PTPN4: variants seen among roughly 807,000 people sequenced by gnomAD.
PTPN4 encodes the protein protein tyrosine phosphatase non-receptor type 4, also known as tyrosine-protein phosphatase non-receptor type 4.
Under a neutral mutation model 135.5 loss-of-function variants are expected in PTPN4, and 49 were observed. The observed-to-expected ratio is 0.36, with a 90% CI of 0.29 to 0.46. The LOEUF is 0.46. Among genes scored for constraint, PTPN4 ranks in the 20% least tolerant of loss-of-function variants. The probability of loss-of-function intolerance (pLI) is 1.00; values close to 1 mark genes in which losing one functional copy is unlikely to be tolerated. For missense variants in PTPN4, 860 were observed against 1,101.0 expected (o/e 0.78, Z 3.10); for synonymous variants, 333 against 369.9 (o/e 0.90, Z 1.14).
At chr2:119,815,856 A>G (rs894183345) in intron 2 of PTPN4, among the ~76,000 whole-genome samples, 10 of 152,184 alleles carry the variant, frequency 6.6e-5, no homozygotes, top group Non-Finnish European at 1.0e-4. Context: ...TTTTTGTAAT[A>G]TGTATAATGC....
At chr2:119,835,813 T>TA (rs1036214889) in intron 2 of PTPN4, among the ~76,000 whole-genome samples, 9 of 152,058 alleles carry the variant, frequency 5.9e-5, no homozygotes, top group Non-Finnish European at 1.0e-4. Flanking sequence ...CTCACACCTG[T>TA]AATCCCAGCA....
At chr2:119,808,419 C>T (rs902037452) in intron 1 of PTPN4, among the ~76,000 whole-genome samples, 5 of 152,112 alleles carry the variant, frequency 3.3e-5, no homozygotes, top group African/African-American at 1.2e-4. Context: ...CACAAGCATT[C>T]CTATACACCA....
chr2:119,975,990 TA>T (rs1161965608), intron 26 of PTPN4, among the ~76,000 whole-genome samples: 1 of 113,404 alleles, frequency 8.8e-6, no homozygotes, highest in African/African-American at 3.4e-5. Flanking sequence ...TATTTTTATT[TA>T]TTTATTTATT....
intron 22 of PTPN4, 95 bp downstream of exon 22, chr2:119,957,172 A>G: frequency 8.9e-7 from 1 of 1,127,498 alleles, no homozygotes; most frequent in Non-Finnish European, 1.3e-6. Context: ...CCTGGATAGA[A>G]TATTAAAACT....
chr2:119,892,913 A>G (rs1243301405), intron 9 of PTPN4, among the ~76,000 whole-genome samples: 1 of 146,578 alleles, frequency 6.8e-6, no homozygotes, highest in Non-Finnish European at 1.5e-5. Context: ...TTTTAAGTGG[A>G]GATGGAGTCT....
chr2:119,931,328 CTTTA>C (rs1051138745), intron 13 of PTPN4, among the ~76,000 whole-genome samples: 6 of 149,240 alleles, frequency 4.0e-5, no homozygotes, highest in African/African-American at 1.5e-4. Context: ...ATAAAAAATA[CTTTA>C]TTTGTTAACA....
intron 1 of PTPN4, among the ~76,000 whole-genome samples, chr2:119,777,399 TA>T (rs1690855936): frequency 6.6e-6 from 1 of 152,176 alleles, no homozygotes; most frequent in Non-Finnish European, 1.5e-5. Flanking sequence ...CCTCACATTA[TA>T]CTATATATAT....
chr2:119,759,961 C>T lies in PTPN4; in HGVS notation c.-441C>T, dbSNP rs1018960585. ...GCTCACGCCGCGCAGTGCGCTTTTC[C>T]GCTCCTCGCGCCCCACCACCAACAT... On this transcript the variant is annotated 5_prime_UTR_variant, in exon 1 of 27. Transcript: ENST00000263708. 7.8e-5 allele frequency: 29 copies of T among 372,802 alleles called. No individual in the cohort carries two copies. The highest frequency in any genetic ancestry group is 1.3e-4 in the Non-Finnish European group (27 of 210,094). The allele number at this position is 372,802 out of a possible 1,614,324, so 23.1% of individuals were successfully genotyped here.
chr2:119,857,024 C>T (rs1047850891), intron 2 of PTPN4, among the ~76,000 whole-genome samples: 6 of 152,024 alleles, frequency 3.9e-5, no homozygotes, highest in Non-Finnish European at 8.8e-5. Flanking sequence ...AGTTCTTACT[C>T]AGTTACTTAT....
intron 3 of PTPN4, among the ~76,000 whole-genome samples, chr2:119,876,780 T>G (rs1677988863): frequency 6.6e-6 from 1 of 152,080 alleles, no homozygotes; most frequent in Non-Finnish European, 1.5e-5. Context: ...TGGGTTTTTT[T>G]CAAATGGGAG....
intron 2 of PTPN4, among the ~76,000 whole-genome samples, chr2:119,835,631 A>G (rs1237412919): frequency 1.3e-5 from 2 of 152,242 alleles, no homozygotes; most frequent in Non-Finnish European, 2.9e-5. Context: ...TTAAGTCTGT[A>G]TGCCTTTGGA....
chr2:119,885,649 A>G (rs1678144711), intron 8 of PTPN4, 146 bp from the exon 9 acceptor site: 1 of 450,148 alleles, frequency 2.2e-6, no homozygotes, highest in South Asian at 6.7e-5. Context: ...TGCCCTCCAG[A>G]TAAGTTAGAG....
At chr2:119,903,412 A>G (rs556717515) in intron 10 of PTPN4, among the ~76,000 whole-genome samples, 3 of 152,150 alleles carry the variant, frequency 2.0e-5, no homozygotes, top group South Asian at 4.2e-4. Flanking sequence ...TATGTTATTC[A>G]TGAACCTAGA....
At chr2:119,907,351 GC>G (rs1558760954) in intron 10 of PTPN4, among the ~76,000 whole-genome samples, 2 of 152,138 alleles carry the variant, frequency 1.3e-5, no homozygotes, top group African/African-American at 4.8e-5. Flanking sequence ...TGTAATCCTA[GC>G]GTTTTTGGAG....
chr2:119,960,439 C>A (rs1289228354), intron 22 of PTPN4, among the ~76,000 whole-genome samples: 1 of 152,060 alleles, frequency 6.6e-6, no homozygotes, highest in African/African-American at 2.4e-5. Context: ...TATTTCTTTA[C>A]CAAGTCTCTG....
chr2:119,924,567 T>C (rs1678792164), intron 12 of PTPN4, among the ~76,000 whole-genome samples: 4 of 152,150 alleles, frequency 2.6e-5, no homozygotes, highest in Non-Finnish European at 5.9e-5. Flanking sequence ...GAGAGAACTT[T>C]CTCATTGCTC....
intron 2 of PTPN4, among the ~76,000 whole-genome samples, chr2:119,821,333 T>C (rs1268863582): frequency 6.6e-6 from 1 of 151,884 alleles, no homozygotes; most frequent in African/African-American, 2.4e-5. Context: ...CCTCGTGATC[T>C]GCCCAGCTGG....
At chr2:119,766,449 C>CGTGTGTGT (rs745803520) in intron 1 of PTPN4, among the ~76,000 whole-genome samples, 36 of 131,064 alleles carry the variant, frequency 2.7e-4, no homozygotes, top group African/African-American at 1.1e-3. Flanking sequence ...CATGTGCGCG[C>CGTGTGTGT]GTGTGTGTGT....
intron 12 of PTPN4, among the ~76,000 whole-genome samples, chr2:119,924,888 A>C (rs1232338374): frequency 3.9e-5 from 6 of 152,168 alleles, no homozygotes; most frequent in African/African-American, 1.4e-4. Flanking sequence ...TGAGGAAATT[A>C]GTTACATGGT....
Sources: allele counts gnomAD v4.1 joint callset (sites outside exome capture counted in the v4.1 genomes callset), GRCh38; gene constraint gnomAD v4.1.1; transcripts MANE v1.5; gene names NCBI Gene and HGNC (gene_info 2026-07-23, HGNC 2026-07-21).